B4GALT5: variants seen among roughly 807,000 people sequenced by gnomAD.
The protein encoded by B4GALT5 is beta-1,4-galactosyltransferase 5.
In B4GALT5, 11 loss-of-function variants were observed where a neutral mutation model predicts 45.0. That is an observed-to-expected ratio of 0.24 (90% CI 0.15 to 0.40). The LOEUF is 0.40. Among genes scored for constraint, B4GALT5 ranks in the 10% least tolerant of loss-of-function variants. The pLI, the probability that B4GALT5 is intolerant of heterozygous loss-of-function variation, is 1.00. For synonymous variants in B4GALT5, 185 were observed against 182.9 expected (o/e 1.01, Z -0.09); for missense variants, 337 against 500.2 (o/e 0.67, Z 3.11).
chr20:49,668,675 T>A (rs557121958), intron 1 of B4GALT5, among the ~76,000 whole-genome samples: 1 of 152,138 alleles, frequency 6.6e-6, no homozygotes, highest in East Asian at 1.9e-4. Flanking sequence ...ACTGCCACAC[T>A]CCTCTGTGGA....
chr20:49,699,682 C>T (rs2085853668), intron 1 of B4GALT5, among the ~76,000 whole-genome samples: 1 of 152,088 alleles, frequency 6.6e-6, no homozygotes, highest in African/African-American at 2.4e-5. Context: ...GACCCCAAAC[C>T]CACTAAGTCA....
chr20:49,640,976 G>A (rs6125697), intron 5 of B4GALT5, among the ~76,000 whole-genome samples: 2,454 of 152,322 alleles, frequency 0.016, 40 homozygotes, highest in East Asian at 0.084. Flanking sequence ...TTAGCTAGGC[G>A]TAGTGGCGCA....
chr20:49,702,710 C>A (rs1461936534), intron 1 of B4GALT5, among the ~76,000 whole-genome samples: 3 of 151,890 alleles, frequency 2.0e-5, no homozygotes, highest in Non-Finnish European at 4.4e-5. Flanking sequence ...TAAAAATCAG[C>A]CGGGCTTGCT....
chr20:49,646,954 G>C lies in B4GALT5; in HGVS notation c.364+11C>G. ...TAAAAGCAGAGGAAGACAGGCCAGA[G>C]CTGTACTCACTCATGGAAGGGAGTC... On this transcript the variant is annotated intron_variant, in intron 3 of 8. Transcript: ENST00000371711. The C allele has an allele frequency of 6.4e-7, 1 of 1,559,030 alleles. No individual in the cohort carries two copies. Among genetic ancestry groups the C allele is most frequent in the Non-Finnish European group, 8.8e-7 (1 of 1,130,972 alleles).
chr20:49,703,802 T>C (rs1007452899), intron 1 of B4GALT5, among the ~76,000 whole-genome samples: 2 of 150,888 alleles, frequency 1.3e-5, no homozygotes, highest in African/African-American at 2.4e-5. Context: ...GGCAGCAGTA[T>C]CACACGAACC....
At chr20:49,640,720 T>A in intron 5 of B4GALT5, 55 bp from the exon 6 acceptor site, 1 of 1,507,966 alleles carries the variant, frequency 6.6e-7, no homozygotes, top group African/African-American at 1.4e-5. Flanking sequence ...ATCTTTGCTG[T>A]CTTTCCTGTG....
At chr20:49,646,771 G>A (rs2085600726) in intron 3 of B4GALT5, among the ~76,000 whole-genome samples, 194 bp downstream of exon 3, 1 of 152,184 alleles carries the variant, frequency 6.6e-6, no homozygotes, top group Non-Finnish European at 1.5e-5. Flanking sequence ...AGGAAAGGTA[G>A]AAAATGGCAC....
At chr20:49,696,712 G>A (rs1342342579) in intron 1 of B4GALT5, among the ~76,000 whole-genome samples, 2 of 152,208 alleles carry the variant, frequency 1.3e-5, no homozygotes, top group Non-Finnish European at 2.9e-5. Context: ...AAACACTTGT[G>A]ATGAAAGGGT....
intron 7 of B4GALT5, among the ~76,000 whole-genome samples, chr20:49,638,407 C>T (rs2044125302): frequency 1.3e-5 from 2 of 152,150 alleles, no homozygotes; most frequent in South Asian, 2.1e-4. Context: ...GAAACAGATA[C>T]CAGGTAGTAT....
rs185469651 is a variant in B4GALT5, at chr20:49,670,162, C to T, written c.116-13460G>A. Among the ~76,000 whole-genome samples the T allele has an allele frequency of 1.2e-3, 188 of 152,290 alleles. 1 individual carries two copies. The highest frequency in any genetic ancestry group is 5.6e-4 in the Non-Finnish European group (38 of 68,024). On this transcript the variant is annotated intron_variant, in intron 1 of 8. Coordinates refer to ENST00000371711, the MANE Select transcript of B4GALT5 (RefSeq NM_004776.4). Reference sequence around the variant, plus strand: ...ACATAAACTGTGACACAAAACTTGACGGAATCTTACACATCTTTAAAAGTG... The same window carrying T: ...ACATAAACTGTGACACAAAACTTGATGGAATCTTACACATCTTTAAAAGTG...
chr20:49,643,751 A>C, intron 3 of B4GALT5, 101 bp from the exon 4 acceptor site: 1 of 1,354,690 alleles, frequency 7.4e-7, no homozygotes. Context: ...TTTTCAGCTG[A>C]ATTTGTTTTT....
chr20:49,713,444 A>T, intron 1 of B4GALT5, 132 bp downstream of exon 1: 1 of 837,312 alleles, frequency 1.2e-6, no homozygotes. Context: ...GAGCCGGGCC[A>T]GGACTCCGGA....
chr20:49,690,911 C>T (rs2085807927), intron 1 of B4GALT5, among the ~76,000 whole-genome samples: 1 of 152,074 alleles, frequency 6.6e-6, no homozygotes, highest in African/African-American at 2.4e-5. Flanking sequence ...CTGCATATAA[C>T]CAAATGGAAT....
At chr20:49,646,128 G>C (rs960144796) in intron 3 of B4GALT5, among the ~76,000 whole-genome samples, 5 of 152,214 alleles carry the variant, frequency 3.3e-5, no homozygotes, top group African/African-American at 1.2e-4. Flanking sequence ...GAGCCCAGGA[G>C]TTCAAGGCTG....
chr20:49,702,502 A>G (rs1373860781), intron 1 of B4GALT5, among the ~76,000 whole-genome samples: 1 of 152,370 alleles, frequency 6.6e-6, no homozygotes, highest in East Asian at 1.9e-4. Context: ...CCCACAGAAT[A>G]GAAAATATTT....
chr20:49,644,047 C>G (rs564266592), intron 3 of B4GALT5, among the ~76,000 whole-genome samples: 1 of 150,170 alleles, frequency 6.7e-6, no homozygotes, highest in African/African-American at 2.5e-5. Context: ...CCTGCCTCAG[C>G]CTCCTGAGTA....
chr20:49,656,436 G>T, intron 2 of B4GALT5, 132 bp downstream of exon 2: 1 of 1,138,712 alleles, frequency 8.8e-7, no homozygotes, highest in Non-Finnish European at 1.3e-6. Flanking sequence ...AGCTTTTTTA[G>T]CAGTAAAGTA....
At chr20:49,639,359 G>GGTGT (rs34688851) in intron 7 of B4GALT5, among the ~76,000 whole-genome samples, 40 of 149,414 alleles carry the variant, frequency 2.7e-4, no homozygotes, top group Admixed American at 1.0e-3. Flanking sequence ...GGATGTGTGT[G>GGTGT]GTGTGTGTGT....
Position 49,637,407 on chromosome 20 carries a change from T to C in B4GALT5, c.953A>G (p.Glu318Gly). The change falls in exon 8 of 9, where the codon GAG becomes GGG. Residue 318 changes from glutamate to glycine, a missense_variant. Physicochemically the swap from Glu to Gly is moderately conservative, Grantham distance 98. Around this residue, in one of 2 missense-constraint regions of B4GALT5, gnomAD observed 163 missense variants for 292.8 expected, o/e 0.56. Coordinates refer to ENST00000371711, the MANE Select transcript of B4GALT5 (RefSeq NM_004776.4). ...GGACTTGTACTTTCCTGTGTCACCC[T>C]CTGGCCGGCTCACAGAATAGCCTGC... ...QNAGYSVSRP[E>G]GDTGKYKSIP... The C allele has an allele frequency of 6.2e-7, 1 of 1,614,164 alleles. No individual in the cohort carries two copies. The highest frequency in any genetic ancestry group is 8.5e-7 in the Non-Finnish European group (1 of 1,180,022).
Sources: gnomAD v4.1 joint callset for allele counts (sites outside exome capture counted in the v4.1 genomes callset) on GRCh38, gnomAD v4.1.1 for gene constraint, gnomAD v4.1.1 regional missense constraint, MANE v1.5 for transcripts, NCBI Gene and HGNC (gene_info 2026-07-23, HGNC 2026-07-21) for gene names.